MAD1L1: variants seen among roughly 807,000 people sequenced by gnomAD.
MAD1L1 encodes mitotic arrest deficient 1 like 1.
MAD1L1 carries 95 observed loss-of-function variants against 96.9 expected under a neutral mutation model. That is an observed-to-expected ratio of 0.98 (90% CI 0.83 to 1.16). The LOEUF is 1.16. Ranked by LOEUF, MAD1L1 falls within the 50% of genes most tolerant of loss-of-function variation. The pLI is 0.00. For synonymous variants in MAD1L1, 473 were observed against 396.6 expected, an observed-to-expected ratio of 1.19 and a Z score of -2.29; for missense variants, 1,007 against 954.4, an observed-to-expected ratio of 1.06 and a Z score of -0.73.
At chr7:2,144,570 C>G (rs1789200967) in intron 11 of MAD1L1, among the ~76,000 whole-genome samples, 1 of 152,182 alleles carries the variant, frequency 6.6e-6, no homozygotes, top group Non-Finnish European at 1.5e-5. Context: ...TGGCCACGGG[C>G]TGGGCCACAG....
intron 12 of MAD1L1, among the ~76,000 whole-genome samples, chr7:2,021,040 G>GA (rs1467864461): frequency 2.0e-5 from 3 of 152,142 alleles, no homozygotes; most frequent in African/African-American, 7.2e-5. Context: ...ATGCACTGAG[G>GA]AAAAAGCAAT....
chr7:2,009,470 G>A (rs765804160), intron 13 of MAD1L1, among the ~76,000 whole-genome samples: 1 of 152,204 alleles, frequency 6.6e-6, no homozygotes, highest in Non-Finnish European at 1.5e-5. Flanking sequence ...CCACCTTCCT[G>A]GCCAGGTCTC....
At position 1,969,359 on chromosome 7, in the gene MAD1L1, G is replaced by A. The variant is rs552449603; in HGVS notation, c.1505+11094C>T. On this transcript the variant is annotated intron_variant, in intron 15 of 18. Coordinates refer to ENST00000265854, the MANE Select transcript of MAD1L1 (RefSeq NM_001013836.2). Reference sequence around the variant, plus strand: ...ATGGTGCCACTACACTCCAGCCTGGGTGACAGAGCGAAACTCCACCTCAAA... The same window carrying A: ...ATGGTGCCACTACACTCCAGCCTGGATGACAGAGCGAAACTCCACCTCAAA... Among the ~76,000 whole-genome samples, 20 of 152,252 alleles carry A rather than the reference G, an allele frequency of 1.3e-4. No individual in the cohort carries two copies. In the South Asian group the frequency reaches 3.3e-3, roughly 25 times the overall value.
intron 11 of MAD1L1, among the ~76,000 whole-genome samples, chr7:2,115,496 G>A (rs1787632562): frequency 6.8e-6 from 1 of 147,398 alleles, no homozygotes; most frequent in African/African-American, 2.5e-5. Flanking sequence ...ACGTGTTCCG[G>A]GGTCAGAGGA....
At chr7:2,215,847 G>C in intron 9 of MAD1L1, 38 bp downstream of exon 9, 1 of 1,587,852 alleles carries the variant, frequency 6.3e-7, no homozygotes, top group Non-Finnish European at 8.6e-7. Flanking sequence ...GCAGGGCAGA[G>C]GACACCCACA....
At chr7:2,047,697 A>G (rs1482490872) in intron 12 of MAD1L1, among the ~76,000 whole-genome samples, 1 of 152,078 alleles carries the variant, frequency 6.6e-6, no homozygotes, top group Non-Finnish European at 1.5e-5. Context: ...GCACTCACAC[A>G]TGTGCATGCT....
At chr7:2,090,408 A>C (rs1327675535) in intron 11 of MAD1L1, among the ~76,000 whole-genome samples, 4 of 152,200 alleles carry the variant, frequency 2.6e-5, no homozygotes, top group Non-Finnish European at 5.9e-5. Context: ...TGATTTTGGA[A>C]CGACTAGGTG....
chr7:1,914,928 C>T (rs561431476), intron 17 of MAD1L1, among the ~76,000 whole-genome samples: 4 of 152,338 alleles, frequency 2.6e-5, no homozygotes, highest in Admixed American at 2.6e-4. Flanking sequence ...TGTTGAGTAA[C>T]TCAGTCAGTG....
rs374153561 is a variant in MAD1L1 at position 2,220,947 on chromosome 7, G to A, written c.472-1491C>T. 2.0e-5 allele frequency: 32 copies of A among 1,612,304 alleles called. No individual in the cohort carries two copies. In the African/African-American group the frequency reaches 3.7e-4, roughly 19 times the overall value. On this transcript the variant is annotated intron_variant, in intron 5 of 18. Coordinates refer to ENST00000265854, the MANE Select transcript of MAD1L1 (RefSeq NM_001013836.2). ...ACCTGCCCACAGGGTCACCCGTGTT[G>A]TAGGGGACGCCGGACAGTTGGCAAG...
At chr7:2,009,717 G>T (rs1242434409) in intron 13 of MAD1L1, among the ~76,000 whole-genome samples, 2 of 152,196 alleles carry the variant, frequency 1.3e-5, no homozygotes, top group Admixed American at 6.5e-5. Context: ...GGAAGGCTAG[G>T]GGGTGGACGC....
intron 12 of MAD1L1, among the ~76,000 whole-genome samples, chr7:2,043,212 T>C (rs552561300): frequency 6.6e-6 from 1 of 152,308 alleles, no homozygotes; most frequent in Admixed American, 6.5e-5. Flanking sequence ...TGCCACTGAC[T>C]TTCGAATGTG....
chr7:1,870,172 G>A (rs549823106), intron 18 of MAD1L1, among the ~76,000 whole-genome samples: 2 of 152,142 alleles, frequency 1.3e-5, no homozygotes, highest in African/African-American at 4.8e-5. Flanking sequence ...TGTCACATCC[G>A]GCCTAGTTGG....
At chr7:2,178,172 T>C (rs967093283) in intron 10 of MAD1L1, among the ~76,000 whole-genome samples, 1 of 152,218 alleles carries the variant, frequency 6.6e-6, no homozygotes, top group Non-Finnish European at 1.5e-5. Flanking sequence ...CCTACAACAA[T>C]TTGTTGAACT....
chr7:2,112,832 G>A (rs1787450475), intron 11 of MAD1L1, among the ~76,000 whole-genome samples: 1 of 151,010 alleles, frequency 6.6e-6, no homozygotes, highest in African/African-American at 2.4e-5. Context: ...AAACATCTAA[G>A]TTTAGAGCAT....
At chr7:1,951,782 G>A (rs1160320264) in intron 16 of MAD1L1, among the ~76,000 whole-genome samples, 1 of 152,132 alleles carries the variant, frequency 6.6e-6, no homozygotes, top group Admixed American at 6.5e-5. Context: ...TCCTCCTTGA[G>A]GCTGTATCTA....
chr7:2,155,588 C>A (rs1789791559), intron 10 of MAD1L1, among the ~76,000 whole-genome samples: 1 of 152,242 alleles, frequency 6.6e-6, no homozygotes, highest in Non-Finnish European at 1.5e-5. Context: ...GCTCACTCTA[C>A]TTGGCATCAC....
chr7:2,055,177 G>C (rs1019035784), intron 12 of MAD1L1, among the ~76,000 whole-genome samples: 1 of 152,164 alleles, frequency 6.6e-6, no homozygotes, highest in Non-Finnish European at 1.5e-5. Context: ...GCAGAGGCAC[G>C]CCACAAACCC....
rs371467630 is a variant in MAD1L1 at position 1,974,550 on chromosome 7, T to C, written c.1505+5903A>G. ...ACAGACTCTCAGGAAACGAAGAGTA[T>C]AGCAACAAATAAAATAAGAACAGGT... On this transcript the variant is annotated intron_variant, in intron 15 of 18. Coordinates refer to ENST00000265854, the MANE Select transcript of MAD1L1 (RefSeq NM_001013836.2). Among the ~76,000 whole-genome samples, 41 of 152,218 alleles carry C rather than the reference T, an allele frequency of 2.7e-4. 2 individuals are homozygous for C. The highest frequency in any genetic ancestry group is 9.2e-4 in the African/African-American group (38 of 41,512).
chr7:1,985,816 G>A (rs1412493477), intron 14 of MAD1L1, among the ~76,000 whole-genome samples: 1 of 151,922 alleles, frequency 6.6e-6, no homozygotes, highest in Non-Finnish European at 1.5e-5. Context: ...CTCCTGCTCT[G>A]AGACCCTCCG....
Sources: gnomAD v4.1 joint callset for allele counts (sites outside exome capture counted in the v4.1 genomes callset) on GRCh38, gnomAD v4.1.1 for gene constraint, MANE v1.5 for transcripts, NCBI Gene and HGNC (gene_info 2026-07-23, HGNC 2026-07-21) for gene names.